Variants in ZBTB7A observed in about 807,000 individuals in gnomAD.
ZBTB7A encodes zinc finger and BTB domain containing 7A, also known as zinc finger and BTB domain-containing protein 7A.
A neutral mutation model predicts 26.7 loss-of-function variants in ZBTB7A; 7 were observed. That is an observed-to-expected ratio of 0.26 (90% CI 0.15 to 0.49). The LOEUF is 0.49. Ranked by LOEUF, ZBTB7A falls within the 20% of genes least tolerant of loss-of-function variation. The pLI is 0.98. For missense variants in ZBTB7A, 617 were observed against 919.5 expected, an observed-to-expected ratio of 0.67 and a Z score of 4.25; for synonymous variants, 452 against 441.0, an observed-to-expected ratio of 1.02 and a Z score of -0.31.
At chr19:4,059,743 G>A (rs1009061756) in intron 1 of ZBTB7A, among the ~76,000 whole-genome samples, 3 of 151,898 alleles carry the variant, frequency 2.0e-5, no homozygotes, top group Middle Eastern at 6.8e-3. Context: ...GCCACCTGCC[G>A]GCCACGCCCT....
In ZBTB7A at chr19:4,044,027, T is replaced by C. The variant is rs1162081135; in HGVS notation, c.*3725A>G. Among the ~76,000 whole-genome samples the C allele has an allele frequency of 2.0e-5, 3 of 152,044 alleles. No homozygotes were observed. Among genetic ancestry groups the C allele is most frequent in the African/African-American group, 7.2e-5 (3 of 41,406 alleles). Reference sequence around the variant, plus strand: ...TCTGTCTTGCCTCCAACCATTCTGGTTGCCGGGCGGGAGGGGGCACCCCGA... The same window carrying C: ...TCTGTCTTGCCTCCAACCATTCTGGCTGCCGGGCGGGAGGGGGCACCCCGA... On this transcript the variant is annotated 3_prime_UTR_variant, in exon 3 of 3. Coordinates refer to ENST00000322357, the MANE Select transcript of ZBTB7A (RefSeq NM_015898.4).
chr19:4,046,060 C>G lies in ZBTB7A; in HGVS notation c.*1692G>C. The stretch of plus-strand genomic sequence containing the variant: ...GGGGTGCCGGATGGGGATCGGGGTG[C>G]TCCGGCTGGAAGGCCCATCCCTGAG... On this transcript the variant is annotated 3_prime_UTR_variant, in exon 3 of 3. Transcript: ENST00000322357. 1 of 399,030 alleles carries G rather than the reference C, an allele frequency of 2.5e-6. No individual in the cohort carries two copies. The highest frequency in any genetic ancestry group is 4.4e-6 in the Non-Finnish European group (1 of 226,152). The allele number at this position is 399,030 out of a possible 1,614,324, so 24.7% of individuals were successfully genotyped here. A position where few individuals can be genotyped will look rare whatever the true frequency, so the allele number is the denominator to read the frequency against.
intron 1 of ZBTB7A, among the ~76,000 whole-genome samples, chr19:4,061,321 T>C (rs560601863): frequency 3.3e-5 from 5 of 152,252 alleles, no homozygotes; most frequent in Admixed American, 1.3e-4. Context: ...AAGGTCACAC[T>C]GTAAGCCTGG....
chr19:4,064,399 G>T (rs2040669958), intron 1 of ZBTB7A, among the ~76,000 whole-genome samples: 1 of 152,216 alleles, frequency 6.6e-6, no homozygotes, highest in African/African-American at 2.4e-5. Context: ...CCCGCCGATA[G>T]GTGCTCTCGG....
chr19:4,048,997 GCAGGGTCTGGCTTTGTCCCC>G lies in ZBTB7A; in HGVS notation c.1263-773_1263-754del, dbSNP rs2040461418. Among the ~76,000 whole-genome samples, 1 of 147,768 alleles carries G rather than the reference GCAGGGTCTGGCTTTGTCCCC, an allele frequency of 6.8e-6. No homozygotes were observed. The highest frequency in any genetic ancestry group is 2.5e-5 in the African/African-American group (1 of 40,210). On this transcript the variant is annotated intron_variant, in intron 2 of 2. Coordinates refer to ENST00000322357, the MANE Select transcript of ZBTB7A (RefSeq NM_015898.4). This position sits in a 1 kb window ranked among gnomAD's most constrained non-coding sequence, Gnocchi z 6.7. ...TCTCCAAAAAAAAAAAAAAAGAGAGGCAGGGTCTGGCTTTGTCCCCCAGGCTGGAGGGCAGTGGCGTGATC... is the reference window on the plus strand; with the variant it reads ...TCTCCAAAAAAAAAAAAAAAGAGAGGCAGGCTGGAGGGCAGTGGCGTGATC...
Position 4,047,881 on chromosome 19 carries a change from G to C in ZBTB7A, c.1626C>G (p.Asp542Glu). The C allele has an allele frequency of 1.9e-6, 3 of 1,597,866 alleles. No homozygotes were observed. Among genetic ancestry groups the C allele is most frequent in the Non-Finnish European group, 2.6e-6 (3 of 1,173,340 alleles). The stretch of plus-strand genomic sequence containing the variant: ...CGGGGCTGGCCACGTCCTCGTCCTC[G>C]TCCTCGTCCTTAAAGTGCTTCTCCT... The part of the protein sequence containing the change: ...NGQEKHFKDE[D>E]EDEDVASPDG... Residue 542 changes from aspartate (D) to glutamate (E), a missense_variant, in exon 3 of 3, where the codon GAC becomes GAG. Asp to Glu is a conservative substitution (Grantham distance 45). Coordinates refer to ENST00000322357, the MANE Select transcript of ZBTB7A (RefSeq NM_015898.4).
chr19:4,054,493 C>T lies in ZBTB7A; in HGVS notation c.740G>A (p.Arg247Gln), dbSNP rs1274484385. 13 of 1,404,154 alleles carry T rather than the reference C, an allele frequency of 9.3e-6. No individual in the cohort carries two copies. Among genetic ancestry groups the T allele is most frequent in the African/African-American group, 6.1e-5 (4 of 65,582 alleles). 87.0% of individuals were successfully genotyped at this position (1,404,154 alleles called of 1,614,324 possible). Residue 247 changes from arginine to glutamine, a missense_variant, in exon 2 of 3, where the codon CGG (arginine) becomes CAG (glutamine). By Grantham distance (43) the Arg-to-Gln change is conservative. This residue lies in a region of ZBTB7A where 331 missense variants were observed against 391.3 expected (regional missense o/e 0.85). Coordinates refer to ENST00000322357, the MANE Select transcript of ZBTB7A (RefSeq NM_015898.4). ...GDSNPGLWPE[R>Q]DEDAPTGGLF... Reference sequence around the variant, plus strand: ...ACCCCCGGTGGGGGCGTCCTCATCCCGCTCTGGCCACAGACCCGGGTTGCT... The same window carrying T: ...ACCCCCGGTGGGGGCGTCCTCATCCTGCTCTGGCCACAGACCCGGGTTGCT...
chr19:4,063,595 G>A (rs948704308), intron 1 of ZBTB7A, among the ~76,000 whole-genome samples: 5 of 152,140 alleles, frequency 3.3e-5, no homozygotes, highest in African/African-American at 4.8e-5. Flanking sequence ...TGTCATCTTC[G>A]GACACAGGGT....
intron 1 of ZBTB7A, among the ~76,000 whole-genome samples, chr19:4,060,927 C>A (rs941231177): frequency 6.6e-6 from 1 of 152,200 alleles, no homozygotes; most frequent in African/African-American, 2.4e-5. Flanking sequence ...CCTCTCACCC[C>A]TCATGTGCTG....
At chr19:4,059,637 G>A (rs971096366) in intron 1 of ZBTB7A, among the ~76,000 whole-genome samples, 3 of 152,084 alleles carry the variant, frequency 2.0e-5, no homozygotes, top group African/African-American at 7.2e-5. Flanking sequence ...TGGAGGGGCC[G>A]GTCCCCCCAC....
At position 4,047,012 on chromosome 19, in the gene ZBTB7A, C is replaced by T. The variant is rs1178065001; in HGVS notation, c.*740G>A. On this transcript the variant is annotated 3_prime_UTR_variant, in exon 3 of 3. Coordinates refer to ENST00000322357, the MANE Select transcript of ZBTB7A (RefSeq NM_015898.4). ...TGAAGGAAGGCGGCAGGAGCACCCC[C>T]AGGAGCCATCCTGGCGCCCCACCGG... The T allele has an allele frequency of 6.6e-6, 1 of 151,606 alleles. No homozygotes were observed. Among genetic ancestry groups the T allele is most frequent in the Admixed American group, 6.6e-5 (1 of 15,222 alleles). The allele number at this position is 151,606 out of a possible 1,614,324, so 9.4% of individuals were successfully genotyped here. A position where few individuals can be genotyped will look rare whatever the true frequency, so the allele number is the denominator to read the frequency against.
Position 4,047,523 on chromosome 19 carries a change from G to A in ZBTB7A, c.*229C>T, listed in dbSNP as rs533226000. The A allele has an allele frequency of 6.8e-6, 2 of 293,382 alleles. No individual in the cohort carries two copies. The highest frequency in any genetic ancestry group is 1.2e-4 in the South Asian group (1 of 8,130). 18.2% of individuals were successfully genotyped at this position (293,382 alleles called of 1,614,324 possible). On this transcript the variant is annotated 3_prime_UTR_variant, in exon 3 of 3. Coordinates refer to ENST00000322357, the MANE Select transcript of ZBTB7A (RefSeq NM_015898.4). ...GGGGGAAGGGGAGCCAGGGAGGGCC[G>A]GGGCCCCTGCGGAGGGAGAAAAACG...
intron 2 of ZBTB7A, among the ~76,000 whole-genome samples, chr19:4,051,578 T>G (rs2040504454): frequency 6.6e-6 from 1 of 152,214 alleles, no homozygotes; most frequent in African/African-American, 2.4e-5. Flanking sequence ...GCTGCCCCAC[T>G]GAAGCCAACA....
At chr19:4,060,628 C>T (rs1224819168) in intron 1 of ZBTB7A, among the ~76,000 whole-genome samples, 1 of 152,208 alleles carries the variant, frequency 6.6e-6, no homozygotes, top group South Asian at 2.1e-4. Context: ...CTAGGAAGGA[C>T]CCCGGCATCC....
intron 2 of ZBTB7A, 76 bp downstream of exon 2, chr19:4,053,895 G>C (rs1419395818): frequency 6.7e-7 from 1 of 1,499,508 alleles, no homozygotes; most frequent in Non-Finnish European, 8.9e-7. Flanking sequence ...TGCAGGGAGA[G>C]AGGCGGGAGG....
intron 1 of ZBTB7A, among the ~76,000 whole-genome samples, chr19:4,064,021 A>C (rs1568238943): frequency 6.6e-6 from 1 of 151,986 alleles, no homozygotes; most frequent in Non-Finnish European, 1.5e-5. Context: ...CAAACAAACA[A>C]ACACCCAGCA....
intron 1 of ZBTB7A, among the ~76,000 whole-genome samples, chr19:4,061,021 T>G (rs1316511679): frequency 1.3e-5 from 2 of 152,256 alleles, no homozygotes; most frequent in Admixed American, 1.3e-4. Flanking sequence ...TCTCTGAGCC[T>G]CTGTCTCCTG....
At position 4,055,221 on chromosome 19, in the gene ZBTB7A, G is replaced by T; in HGVS notation, c.12C>A (p.Gly4=). The part of the protein sequence containing the change: MAG[G]VDGPIGIPFP... Reference sequence around the variant, plus strand: ...ACGGGATCCCGATGGGGCCGTCCACGCCGCCGGCCATCTTCCGCGCCGAGA... The same window carrying T: ...ACGGGATCCCGATGGGGCCGTCCACTCCGCCGGCCATCTTCCGCGCCGAGA... The change falls in exon 2 of 3, where the codon GGC becomes GGA. Residue 4 remains glycine (G), a synonymous_variant. Transcript: ENST00000322357. The T allele has an allele frequency of 6.6e-7, 1 of 1,520,142 alleles. No homozygotes were observed. The allele number at this position is 1,520,142 out of a possible 1,614,324, so 94.2% of individuals were successfully genotyped here.
intron 1 of ZBTB7A, chr19:4,062,153 C>T (rs148193625): frequency 6.6e-6 from 1 of 152,388 alleles, no homozygotes; most frequent in Non-Finnish European, 1.5e-5. Context: ...TTCTCTCAGG[C>T]ATCCTGATAG....
Sources: gnomAD v4.1 joint callset for allele counts (sites outside exome capture counted in the v4.1 genomes callset) on GRCh38, gnomAD v4.1.1 for gene constraint, gnomAD v4.1.1 regional missense constraint, Gnocchi (gnomAD v3.1) non-coding constraint, MANE v1.5 for transcripts, NCBI Gene and HGNC (gene_info 2026-07-23, HGNC 2026-07-21) for gene names.